The following TBC1D31 variants were observed in gnomAD, a reference collection of about 807,000 sequenced individuals.
TBC1D31 encodes TBC1 domain family member 31, also known as WD repeat domain 67.
TBC1D31 carries 99 observed loss-of-function variants against 132.9 expected under a neutral mutation model. The ratio of observed to expected loss-of-function variants is 0.74; its 90% confidence interval spans 0.63 to 0.88. The LOEUF is 0.88. TBC1D31 is among the 40% of genes least tolerant of loss of function. TBC1D31 has a pLI of 0.00. For synonymous variants in TBC1D31, 385 were observed against 419.4 expected, an observed-to-expected ratio of 0.92 and a Z score of 1.00; for missense variants, 1,134 against 1,256.6, an observed-to-expected ratio of 0.90 and a Z score of 1.48.
chr8:123,084,299 A>G lies in TBC1D31; in HGVS notation c.478A>G (p.Lys160Glu). The change falls in exon 4 of 22, where the codon AAA (lysine) becomes GAA (glutamate). Residue 160 changes from lysine (K) to glutamate (E), a missense_variant. Physicochemically the swap from Lys to Glu is moderately conservative, Grantham distance 56. Transcript: ENST00000287380. ...ATGGGACTTGGATACCTTTCAGAGA[A>G]AAAGAAAGCTGAATATTCGCCAGTC... is the stretch of plus-strand genomic sequence containing the variant. ...QLWDLDTFQR[K>E]RKLNIRQSVG... The G allele has an allele frequency of 6.2e-7, 1 of 1,614,188 alleles. No individual in the cohort carries two copies.
chr8:123,079,002 C>T (rs1044981529), intron 2 of TBC1D31, among the ~76,000 whole-genome samples: 2 of 152,166 alleles, frequency 1.3e-5, no homozygotes, highest in African/African-American at 4.8e-5. Flanking sequence ...GAAAAGAACA[C>T]GGCATCATTT....
chr8:123,117,479 G>A (rs536584055), intron 10 of TBC1D31, among the ~76,000 whole-genome samples: 1 of 152,178 alleles, frequency 6.6e-6, no homozygotes, highest in South Asian at 2.1e-4. Context: ...AGTACACCAG[G>A]CGTGGTGGCT....
intron 8 of TBC1D31, among the ~76,000 whole-genome samples, chr8:123,108,692 T>C (rs1180675691): frequency 6.6e-6 from 1 of 152,180 alleles, no homozygotes; most frequent in Non-Finnish European, 1.5e-5. Flanking sequence ...AACTGGCCTG[T>C]ATTAGTCTGT....
chr8:123,144,479 G>A (rs1285473493), intron 19 of TBC1D31, among the ~76,000 whole-genome samples: 1 of 152,128 alleles, frequency 6.6e-6, no homozygotes, highest in Non-Finnish European at 1.5e-5. Flanking sequence ...GGATATAGTT[G>A]TGTGCTTTGT....
chr8:123,098,301 G>GT (rs1278570464), intron 6 of TBC1D31, among the ~76,000 whole-genome samples: 2 of 152,038 alleles, frequency 1.3e-5, no homozygotes, highest in African/African-American at 2.4e-5. Context: ...TATTCTTCCA[G>GT]TTTTTTTGTT....
chr8:123,082,477 A>G (rs777101511), intron 2 of TBC1D31: 8 of 468,704 alleles, frequency 1.7e-5, no homozygotes, highest in Non-Finnish European at 2.6e-5. Flanking sequence ...CCTAAAACAC[A>G]TACCTGATTG....
chr8:123,082,623 C>A, intron 2 of TBC1D31, 79 bp from the exon 3 acceptor site: 1 of 994,806 alleles, frequency 1.0e-6, no homozygotes, highest in Non-Finnish European at 1.5e-6. Flanking sequence ...TCATTTTCTT[C>A]GTCTCTACGG....
At chr8:123,074,383 A>G in intron 1 of TBC1D31, among the ~76,000 whole-genome samples, 1 of 152,184 alleles carries the variant, frequency 6.6e-6, no homozygotes, top group East Asian at 1.9e-4. Flanking sequence ...TTTTACCAGC[A>G]GCTTGTTTGG....
intron 18 of TBC1D31, among the ~76,000 whole-genome samples, chr8:123,141,489 A>T (rs181029952): frequency 1.9e-5 from 2 of 106,006 alleles, no homozygotes; most frequent in African/African-American, 7.5e-5. Context: ...TACGGAGTAC[A>T]CTTTCAGAAA....
intron 4 of TBC1D31, among the ~76,000 whole-genome samples, chr8:123,092,058 A>G (rs745694110): frequency 6.6e-6 from 1 of 152,214 alleles, no homozygotes; most frequent in Non-Finnish European, 1.5e-5. Flanking sequence ...CTTGTTGCCC[A>G]GGCTGGAGTG....
the TBC1D31 span, among the ~76,000 whole-genome samples, chr8:123,160,396 G>A: frequency 6.7e-6 from 1 of 149,194 alleles, no homozygotes; most frequent in Non-Finnish European, 1.5e-5. Flanking sequence ...GCGAACTGTA[G>A]GAATTAGAAG....
chr8:123,159,406 T>C, the TBC1D31 span, among the ~76,000 whole-genome samples: 1 of 151,832 alleles, frequency 6.6e-6, no homozygotes, highest in Non-Finnish European at 1.5e-5. Context: ...TGACATGAAA[T>C]GAGCGAAGAA....
In TBC1D31 at chr8:123,100,802, C is replaced by T. The variant is rs1189209354; in HGVS notation, c.832-5C>T. On this transcript the variant is annotated splice_region_variant and splice_polypyrimidine_tract_variant and intron_variant, in intron 6 of 21. Coordinates refer to ENST00000287380, the MANE Select transcript of TBC1D31 (RefSeq NM_145647.4). ...TTTTAGGAATTTATATTTTTTCTCT[C>T]TTAGGTTCTTGGAGTACTAAGTCAA... 1.2e-6 allele frequency: 2 copies of T among 1,607,530 alleles called. No individual in the cohort carries two copies. Among genetic ancestry groups the T allele is most frequent in the Non-Finnish European group, 8.5e-7 (1 of 1,174,582 alleles).
At chr8:123,111,726 CTATA>C (rs1818459147) in intron 10 of TBC1D31, among the ~76,000 whole-genome samples, 1 of 151,982 alleles carries the variant, frequency 6.6e-6, no homozygotes, top group Admixed American at 6.6e-5. Context: ...ATAATAAAAA[CTATA>C]TAACTATAAA....
At chr8:123,098,218 C>T (rs1264267978) in intron 6 of TBC1D31, among the ~76,000 whole-genome samples, 1 of 152,166 alleles carries the variant, frequency 6.6e-6, no homozygotes, top group Non-Finnish European at 1.5e-5. Context: ...TAGTTGTTCA[C>T]CTCCCCCCAT....
At chr8:123,155,023 C>T (rs758308294), downstream of TBC1D31, among the ~76,000 whole-genome samples, 15 of 152,280 alleles carry the variant, frequency 9.9e-5, no homozygotes, top group African/African-American at 2.4e-4. The surrounding 1 kb of genome is among the most constrained non-coding windows in gnomAD (Gnocchi z 4.1). Context: ...ATAACTGCCA[C>T]GCTTATACCA....
At chr8:123,091,858 T>C (rs373686234) in intron 4 of TBC1D31, among the ~76,000 whole-genome samples, 150 of 152,336 alleles carry the variant, frequency 9.8e-4, no homozygotes, top group South Asian at 5.0e-3. Context: ...GTGATGACAT[T>C]TTCAACTTTA....
intron 4 of TBC1D31, among the ~76,000 whole-genome samples, chr8:123,088,754 G>A (rs1358521162): frequency 6.6e-6 from 1 of 152,040 alleles, no homozygotes; most frequent in Non-Finnish European, 1.5e-5. Context: ...TTTTGTTATG[G>A]ATTTCATTTT....
Position 123,152,108 on chromosome 8 carries a change from G to A in TBC1D31, c.*169G>A, listed in dbSNP as rs970702298. ...TTCTGATACTTTTTGGCTTGTAAAT[G>A]GCTTCTTGAACTTTTTACAATAAAA... is the stretch of plus-strand genomic sequence containing the variant. On this transcript the variant is annotated 3_prime_UTR_variant, in exon 22 of 22. Transcript: ENST00000287380. 26 of 602,156 alleles carry A rather than the reference G, an allele frequency of 4.3e-5. No homozygotes were observed. The East Asian group carries it at 5.9e-4, about 14-fold the overall frequency. 37.3% of individuals were successfully genotyped at this position (602,156 alleles called of 1,614,324 possible).
Sources: allele counts gnomAD v4.1 joint callset (sites outside exome capture counted in the v4.1 genomes callset), GRCh38; gene constraint gnomAD v4.1.1; non-coding constraint Gnocchi (gnomAD v3.1); transcripts MANE v1.5; gene names NCBI Gene and HGNC (gene_info 2026-07-23, HGNC 2026-07-21).